CDH11: variants seen among roughly 807,000 people sequenced by gnomAD.
The protein encoded by CDH11 is cadherin 11, also known as cadherin-11.
In CDH11, 11 loss-of-function variants were observed where a neutral mutation model predicts 67.8. The ratio of observed to expected loss-of-function variants is 0.16; its 90% confidence interval spans 0.10 to 0.27. CDH11 has a LOEUF of 0.27. Among genes scored for constraint, CDH11 ranks in the 10% least tolerant of loss-of-function variants. The probability of loss-of-function intolerance (pLI) is 1.00; values close to 1 mark genes in which losing one functional copy is unlikely to be tolerated. For missense variants in CDH11, 847 were observed against 1,031.2 expected (o/e 0.82, Z 2.45); for synonymous variants, 419 against 400.0 (o/e 1.05, Z -0.57).
chr16:64,992,860 G>A, intron 5 of CDH11, 55 bp downstream of exon 5: 1 of 1,571,350 alleles, frequency 6.4e-7, no homozygotes, highest in Non-Finnish European at 8.7e-7. Flanking sequence ...TTCTGGTCAG[G>A]CCTGGGACTT....
chr16:64,953,237 T>G (rs2071410397), intron 11 of CDH11, among the ~76,000 whole-genome samples: 2 of 151,760 alleles, frequency 1.3e-5, no homozygotes, highest in Admixed American at 1.3e-4. Context: ...TACTACAATT[T>G]ATTTTCCGTT....
intron 1 of CDH11, among the ~76,000 whole-genome samples, chr16:65,060,350 TATATAG>T (rs2074217083): frequency 7.1e-6 from 1 of 140,240 alleles, no homozygotes; most frequent in Admixed American, 7.0e-5. Context: ...TATATATATA[TATATAG>T]AGAGAGAGAG....
intron 8 of CDH11, among the ~76,000 whole-genome samples, chr16:64,974,838 T>C (rs752153567): frequency 1.3e-5 from 2 of 152,218 alleles, no homozygotes; most frequent in Non-Finnish European, 2.9e-5. Flanking sequence ...TAATTCAAGG[T>C]ATTATTCCAC....
chr16:65,109,612 C>T (rs150046270), intron 1 of CDH11, among the ~76,000 whole-genome samples: 1 of 152,290 alleles, frequency 6.6e-6, no homozygotes, highest in African/African-American at 2.4e-5. Context: ...TTTCATGCAC[C>T]CATCAATGCC....
chr16:64,986,071 T>C (rs1763122007), intron 7 of CDH11: 2 of 152,136 alleles, frequency 1.3e-5, no homozygotes, highest in African/African-American at 4.8e-5. Context: ...TAAAAAATAC[T>C]TTAAAATGCA....
intron 11 of CDH11, among the ~76,000 whole-genome samples, chr16:64,958,449 T>C (rs1276175751): frequency 2.0e-5 from 3 of 152,214 alleles, no homozygotes; most frequent in East Asian, 1.9e-4. Flanking sequence ...GCAACATTGA[T>C]TGAACTGCTA....
chr16:65,098,870 T>A (rs369944477), intron 1 of CDH11, among the ~76,000 whole-genome samples: 1 of 152,218 alleles, frequency 6.6e-6, no homozygotes, highest in African/African-American at 2.4e-5. Flanking sequence ...GTGGGGCGTG[T>A]AGTCTTCTAA....
At chr16:65,113,895 A>G (rs1295692078) in intron 1 of CDH11, among the ~76,000 whole-genome samples, 1 of 152,160 alleles carries the variant, frequency 6.6e-6, no homozygotes, top group African/African-American at 2.4e-5. Flanking sequence ...TAAATCTCAT[A>G]TTATACAGAA....
At chr16:65,076,058 C>G (rs1007627581) in intron 1 of CDH11, among the ~76,000 whole-genome samples, 10 of 152,176 alleles carry the variant, frequency 6.6e-5, no homozygotes, top group African/African-American at 1.9e-4. Context: ...GGGCTGTGAG[C>G]TGCAGTCCCC....
intron 11 of CDH11, chr16:64,968,688 C>T (rs4967866): frequency 0.45 from 111,535 of 248,376 alleles, 26,828 homozygotes; most frequent in East Asian, 0.79. Context: ...AAACACAATA[C>T]TGATTATTTA....
chr16:65,049,924 A>C (rs1430269337), intron 2 of CDH11, among the ~76,000 whole-genome samples: 1 of 152,140 alleles, frequency 6.6e-6, no homozygotes, highest in East Asian at 1.9e-4. Context: ...CAGGTTGCTA[A>C]CACTTCAAGC....
chr16:65,063,341 AAAAC>A (rs1158249573), intron 1 of CDH11, among the ~76,000 whole-genome samples: 10 of 152,220 alleles, frequency 6.6e-5, no homozygotes, highest in Non-Finnish European at 1.0e-4. Context: ...ATAAAGAGAA[AAAAC>A]AAACAAACGA....
At chr16:65,106,308 C>T (rs2075065068) in intron 1 of CDH11, among the ~76,000 whole-genome samples, 1 of 152,108 alleles carries the variant, frequency 6.6e-6, no homozygotes, top group African/African-American at 2.4e-5. Context: ...TAGGGTTTGA[C>T]CTGGTGGTCT....
chr16:65,122,926 A>G (rs1357255247), upstream of CDH11, among the ~76,000 whole-genome samples: 1 of 152,154 alleles, frequency 6.6e-6, no homozygotes, highest in Non-Finnish European at 1.5e-5. Context: ...CTCCCTCGCT[A>G]CAGACCCGCC....
intron 1 of CDH11, among the ~76,000 whole-genome samples, chr16:65,113,505 T>C (rs1259508905): frequency 6.6e-6 from 1 of 152,092 alleles, no homozygotes; most frequent in Non-Finnish European, 1.5e-5. Context: ...TCCTGAGAAT[T>C]CTACTTGGTA....
chr16:65,003,899 T>C (rs1005156967), intron 3 of CDH11, among the ~76,000 whole-genome samples: 4 of 152,276 alleles, frequency 2.6e-5, no homozygotes, highest in African/African-American at 4.8e-5. Context: ...TCTAGTGAAG[T>C]AGACAGATTA....
At chr16:65,020,721 TATTTG>T (rs777581965) in intron 2 of CDH11, among the ~76,000 whole-genome samples, 9 of 152,204 alleles carry the variant, frequency 5.9e-5, no homozygotes, top group Non-Finnish European at 1.2e-4. Flanking sequence ...TCCAATAAAG[TATTTG>T]ATTTAACTGC....
intron 8 of CDH11, 92 bp downstream of exon 8, chr16:64,981,956 G>T: frequency 8.5e-7 from 1 of 1,171,092 alleles, no homozygotes; most frequent in Non-Finnish European, 1.2e-6. Context: ...AACCCTTTTT[G>T]AAATTGAAAA....
chr16:65,092,904 A>G lies in CDH11; in HGVS notation c.-298+28976T>C, dbSNP rs560272336. ...GATGTACTTTTTAACAAATTCATTC[A>G]GCTTACAGTATTTACAAAACTACAA... On this transcript the variant is annotated intron_variant, in intron 1 of 12. Coordinates refer to ENST00000268603, the MANE Select transcript of CDH11 (RefSeq NM_001797.4). 7.9e-5 allele frequency among the ~76,000 whole-genome samples: 12 copies of G among 151,726 alleles called. No individual in the cohort carries two copies. In the South Asian group the frequency reaches 2.5e-3, roughly 32 times the overall value.
Sources: gnomAD v4.1 joint callset for allele counts (sites outside exome capture counted in the v4.1 genomes callset) on GRCh38, gnomAD v4.1.1 for gene constraint, MANE v1.5 for transcripts, NCBI Gene and HGNC (gene_info 2026-07-23, HGNC 2026-07-21) for gene names.